The following RABGAP1L variants were observed in gnomAD, a reference collection of about 807,000 sequenced individuals.
The protein encoded by RABGAP1L is RAB GTPase activating protein 1 like, also known as rab GTPase-activating protein 1-like.
A neutral mutation model predicts 137.7 loss-of-function variants in RABGAP1L; 63 were observed. The observed-to-expected ratio is 0.46, with a 90% confidence interval of 0.37 to 0.56. The LOEUF (loss-of-function observed/expected upper bound fraction) is 0.56. Among genes scored for constraint, RABGAP1L ranks in the 20% least tolerant of loss-of-function variants. The probability of loss-of-function intolerance (pLI) is 0.00; values close to 1 mark genes in which losing one functional copy is unlikely to be tolerated. For synonymous variants in RABGAP1L, 431 were observed against 433.7 expected (o/e 0.99, Z 0.08); for missense variants, 1,095 against 1,244.0 (o/e 0.88, Z 1.80).
Position 174,269,168 on chromosome 1 carries a change from C to A in RABGAP1L, c.987-3246C>A, listed in dbSNP as rs189162862. Among the ~76,000 whole-genome samples, 236 of 152,326 alleles carry A rather than the reference C, an allele frequency of 1.5e-3. 1 individual carries two copies. Among genetic ancestry groups the A allele is most frequent in the African/African-American group, 5.5e-3 (228 of 41,574 alleles). On this transcript the variant is annotated intron_variant, in intron 7 of 25. Coordinates refer to ENST00000681986, the MANE Select transcript of RABGAP1L (RefSeq NM_001366446.1). ...TCTTGTTAGCCAGGATGGTCTCAAT[C>A]TCCCGACCTCGTGATCCGCCCACCT...
chr1:174,369,239 G>A (rs560134817), intron 11 of RABGAP1L, among the ~76,000 whole-genome samples: 1 of 152,226 alleles, frequency 6.6e-6, no homozygotes, highest in African/African-American at 2.4e-5. Flanking sequence ...ACTCAGGCTG[G>A]AGTGCAGTGG....
chr1:174,741,546 G>A (rs1054846254), intron 17 of RABGAP1L, among the ~76,000 whole-genome samples: 1 of 151,926 alleles, frequency 6.6e-6, no homozygotes, highest in African/African-American at 2.4e-5. Flanking sequence ...ATTTTTTGTA[G>A]AGATGGGGTC....
chr1:174,946,962 GTGT>G (rs1666956592), intron 19 of RABGAP1L, among the ~76,000 whole-genome samples: 1 of 125,462 alleles, frequency 8.0e-6, no homozygotes, highest in Non-Finnish European at 1.7e-5. Context: ...GTGTGTGTGT[GTGT>G]GTGTGTGTGT....
At chr1:174,301,055 G>A (rs1571982354) in intron 10 of RABGAP1L, among the ~76,000 whole-genome samples, 2 of 152,082 alleles carry the variant, frequency 1.3e-5, no homozygotes, top group African/African-American at 4.8e-5. Flanking sequence ...GCCAGTTCAT[G>A]CCCGGTCTGC....
chr1:174,424,259 C>G (rs1207014953), intron 13 of RABGAP1L, among the ~76,000 whole-genome samples: 1 of 152,004 alleles, frequency 6.6e-6, no homozygotes, highest in Non-Finnish European at 1.5e-5. Context: ...TATGACAATA[C>G]CAACCTTTAT....
At chr1:174,900,143 T>A (rs954040636) in intron 19 of RABGAP1L, among the ~76,000 whole-genome samples, 1 of 152,248 alleles carries the variant, frequency 6.6e-6, no homozygotes, top group Non-Finnish European at 1.5e-5. Context: ...TTACTACATG[T>A]ACTTCAAGGT....
intron 13 of RABGAP1L, among the ~76,000 whole-genome samples, chr1:174,479,356 T>C (rs1658838030): frequency 6.6e-6 from 1 of 152,218 alleles, no homozygotes; most frequent in African/African-American, 2.4e-5. Context: ...TGAGAATCAC[T>C]TGGGAGAATG....
At chr1:174,541,691 G>A (rs1047091509) in intron 13 of RABGAP1L, among the ~76,000 whole-genome samples, 2 of 152,020 alleles carry the variant, frequency 1.3e-5, no homozygotes, top group African/African-American at 4.8e-5. Flanking sequence ...CAGGAGAATG[G>A]CATGAACCCG....
chr1:174,531,212 T>C (rs1294267549), intron 13 of RABGAP1L, among the ~76,000 whole-genome samples: 5 of 136,628 alleles, frequency 3.7e-5, no homozygotes, highest in Admixed American at 3.5e-4. Context: ...AGGTTAGTTA[T>C]AACACAGGAA....
chr1:174,390,312 C>G (rs905237097), intron 12 of RABGAP1L, among the ~76,000 whole-genome samples: 1 of 152,078 alleles, frequency 6.6e-6, no homozygotes, highest in African/African-American at 2.4e-5. Context: ...CCTGGCCAAA[C>G]AAGTGGCTGA....
intron 1 of RABGAP1L, among the ~76,000 whole-genome samples, chr1:174,212,188 C>G (rs954497028): frequency 1.3e-5 from 2 of 151,936 alleles, no homozygotes. Context: ...TTTTTTTCCT[C>G]AGTACATGGA....
At chr1:174,659,548 A>G (rs1019725207) in intron 14 of RABGAP1L, among the ~76,000 whole-genome samples, 1 of 151,654 alleles carries the variant, frequency 6.6e-6, no homozygotes, top group Admixed American at 6.6e-5. Context: ...CTTTTTCTCA[A>G]CTTCTTCATT....
At chr1:174,800,580 C>T (rs1331553367) in intron 18 of RABGAP1L, 1 of 1,487,940 alleles carries the variant, frequency 6.7e-7, no homozygotes, top group Non-Finnish European at 9.0e-7. Flanking sequence ...CTGAAAGAGG[C>T]TTGTTGTCTC....
intron 13 of RABGAP1L, among the ~76,000 whole-genome samples, chr1:174,504,426 AC>A (rs1212226639): frequency 2.6e-5 from 4 of 151,070 alleles, no homozygotes; most frequent in African/African-American, 7.4e-5. Context: ...AAAAAAAAAA[AC>A]CAAACAAATA....
intron 12 of RABGAP1L, among the ~76,000 whole-genome samples, chr1:174,375,705 T>G (rs1444850947): frequency 6.6e-6 from 1 of 152,096 alleles, no homozygotes; most frequent in Admixed American, 6.5e-5. Flanking sequence ...ATTGAATTCA[T>G]AGTTTAAAAG....
intron 13 of RABGAP1L, among the ~76,000 whole-genome samples, chr1:174,517,271 T>C (rs967467731): frequency 6.6e-6 from 1 of 152,228 alleles, no homozygotes; most frequent in Non-Finnish European, 1.5e-5. Flanking sequence ...ATTTATTTCA[T>C]ATGTTTTGTA....
At chr1:174,370,202 C>A (rs1684990736) in intron 11 of RABGAP1L, among the ~76,000 whole-genome samples, 2 of 152,138 alleles carry the variant, frequency 1.3e-5, no homozygotes, top group South Asian at 4.1e-4. Context: ...GATAGTACTT[C>A]TCCAGCCTTT....
At position 174,225,788 on chromosome 1, in the gene RABGAP1L, T is replaced by A. The variant is rs148813345; in HGVS notation, c.331+4624T>A. Among the ~76,000 whole-genome samples the A allele has an allele frequency of 3.9e-5, 6 of 152,314 alleles. No individual in the cohort carries two copies. The East Asian group carries it at 1.2e-3, about 29-fold the overall frequency. ...TTCTTTCTTAGAGTTTTTGCTGCTT[T>A]GTGCTGTTTTGCAGAATCATATGTC... On this transcript the variant is annotated intron_variant, in intron 3 of 25. Transcript: ENST00000681986.
intron 13 of RABGAP1L, among the ~76,000 whole-genome samples, chr1:174,463,274 A>G (rs1289634849): frequency 6.6e-6 from 1 of 152,128 alleles, no homozygotes; most frequent in Non-Finnish European, 1.5e-5. Flanking sequence ...AATGTCCAAC[A>G]ATGATAGACT....
Sources: gnomAD v4.1 joint callset for allele counts (sites outside exome capture counted in the v4.1 genomes callset) on GRCh38, gnomAD v4.1.1 for gene constraint, MANE v1.5 for transcripts, NCBI Gene and HGNC (gene_info 2026-07-23, HGNC 2026-07-21) for gene names.